PATJ: variants seen among roughly 807,000 people sequenced by gnomAD.
The protein encoded by PATJ is PATJ crumbs cell polarity complex component, also known as inaD-like protein.
PATJ carries 190 observed loss-of-function variants against 224.9 expected under a neutral mutation model. The observed-to-expected ratio is 0.84, with a 90% CI of 0.75 to 0.95. PATJ has a LOEUF of 0.95. Ranked by LOEUF, PATJ falls within the 40% of genes least tolerant of loss-of-function variation. PATJ has a pLI of 0.00. For missense variants in PATJ, 2,121 were observed against 2,270.3 expected (o/e 0.93, Z 1.34); for synonymous variants, 769 against 820.3 (o/e 0.94, Z 1.07).
chr1:61,812,379 A>AGAATGTGAGTGACT (rs1654978090), intron 14 of PATJ, among the ~76,000 whole-genome samples: 1 of 111,742 alleles, frequency 8.9e-6, no homozygotes, highest in Non-Finnish European at 1.8e-5. Context: ...AGAGAGAGAG[A>AGAATGTGAGTGACT]GAGAGAGAGA....
chr1:61,817,233 C>G (rs1365842293), intron 14 of PATJ, among the ~76,000 whole-genome samples: 1 of 152,096 alleles, frequency 6.6e-6, no homozygotes, highest in African/African-American at 2.4e-5. Flanking sequence ...ATGGGCCAGG[C>G]AGGAAACATA....
chr1:62,070,092 C>T (rs1657127761), intron 31 of PATJ, among the ~76,000 whole-genome samples: 1 of 152,136 alleles, frequency 6.6e-6, no homozygotes, highest in Non-Finnish European at 1.5e-5. Flanking sequence ...AAGTCAGGTC[C>T]TTTGTCCCAC....
At chr1:61,869,948 C>T (rs931454910) in intron 20 of PATJ, among the ~76,000 whole-genome samples, 9 of 152,148 alleles carry the variant, frequency 5.9e-5, no homozygotes, top group Non-Finnish European at 1.0e-4. Flanking sequence ...GTGCAATCCC[C>T]GAAGCCCCAG....
At position 61,864,846 on chromosome 1, in the gene PATJ, G is replaced by A. The variant is rs374702312; in HGVS notation, c.2835+213G>A. Among the ~76,000 whole-genome samples, 9 of 152,204 alleles carry A rather than the reference G, an allele frequency of 5.9e-5. No individual in the cohort carries two copies. In the East Asian group the frequency reaches 1.4e-3, roughly 23 times the overall value. On this transcript the variant is annotated intron_variant, in intron 20 of 43. Transcript: ENST00000642238. ...TTCTCATGGGGGTCAATAAACTGCA[G>A]TTGCCTTGCTGTTGTTTTAGGGCTT... is the stretch of plus-strand genomic sequence containing the variant.
intron 30 of PATJ, among the ~76,000 whole-genome samples, chr1:62,044,984 G>A (rs1327202920): frequency 6.6e-6 from 1 of 152,162 alleles, no homozygotes; most frequent in African/African-American, 2.4e-5. Context: ...CTGGGAGGCC[G>A]AGGCTGGCGG....
intron 33 of PATJ, among the ~76,000 whole-genome samples, chr1:62,087,395 C>T (rs1227383891): frequency 2.6e-5 from 4 of 151,722 alleles, no homozygotes; most frequent in Non-Finnish European, 4.4e-5. Context: ...CGGGGCGGGC[C>T]GTAGGTAGTT....
chr1:61,765,396 T>C (rs1323158097), intron 3 of PATJ, among the ~76,000 whole-genome samples: 1 of 151,696 alleles, frequency 6.6e-6, no homozygotes, highest in African/African-American at 2.4e-5. Context: ...TTCTGTTTTT[T>C]TTTTTGGAGA....
At chr1:61,856,439 G>A (rs1355512833) in intron 18 of PATJ, among the ~76,000 whole-genome samples, 200 bp downstream of exon 18, 4 of 152,110 alleles carry the variant, frequency 2.6e-5, no homozygotes, top group Non-Finnish European at 5.9e-5. Context: ...GGGATTTAAA[G>A]GTTATATTCA....
intron 17 of PATJ, among the ~76,000 whole-genome samples, chr1:61,846,497 T>C (rs1661978765): frequency 6.6e-6 from 1 of 152,246 alleles, no homozygotes; most frequent in Non-Finnish European, 1.5e-5. Context: ...ATATTCTACA[T>C]TTATAAAAAT....
intron 25 of PATJ, among the ~76,000 whole-genome samples, chr1:61,913,959 T>G (rs1673058032): frequency 6.6e-6 from 1 of 152,250 alleles, no homozygotes; most frequent in Non-Finnish European, 1.5e-5. Context: ...GTCTTTTTCG[T>G]CTTCAGCTTC....
chr1:61,809,084 T>C (rs1654163971), intron 14 of PATJ, among the ~76,000 whole-genome samples: 1 of 152,216 alleles, frequency 6.6e-6, no homozygotes, highest in South Asian at 2.1e-4. Flanking sequence ...TAGTTGTTCT[T>C]GAACTTAAAA....
Position 61,797,412 on chromosome 1 carries a change from ACCACC to A in PATJ, c.1387_1391del (p.Pro463PhefsTer24). 1 of 1,613,484 alleles carries A rather than the reference ACCACC, an allele frequency of 6.2e-7. No homozygotes were observed. The highest frequency in any genetic ancestry group is 1.1e-5 in the South Asian group (1 of 91,042). On this transcript the variant is annotated frameshift_variant, in exon 11 of 44. Transcript: ENST00000642238. LOFTEE classifies it high-confidence loss of function. ...CATCCTCATCTACTTCTCCACTTGA[ACCACC>A]TTCAGACAGAGGTGATTAATTTGCC...
At chr1:61,777,985 T>TC (rs1269487790) in intron 7 of PATJ, among the ~76,000 whole-genome samples, 1 of 151,998 alleles carries the variant, frequency 6.6e-6, no homozygotes, top group African/African-American at 2.4e-5. Context: ...GCTCAAGTGA[T>TC]CCCCCCACCT....
At chr1:61,934,741 A>T (rs971509601) in intron 27 of PATJ, among the ~76,000 whole-genome samples, 2 of 152,032 alleles carry the variant, frequency 1.3e-5, no homozygotes, top group African/African-American at 2.4e-5. Flanking sequence ...GAGGCTAATG[A>T]CCCTCTCTGT....
rs1251376143 is a variant in PATJ, at chr1:62,117,160, T to C, written c.4832T>C (p.Ile1611Thr). The C allele has an allele frequency of 3.1e-6, 5 of 1,613,988 alleles. No homozygotes were observed. The African/African-American group carries it at 5.3e-5, about 17-fold the overall frequency. Residue 1611 changes from isoleucine (I) to threonine (T), a missense_variant, in exon 37 of 44, where the codon ATT (isoleucine) becomes ACT (threonine). Physicochemically the swap from Ile to Thr is moderately conservative, Grantham distance 89 (BLOSUM62 -1). Coordinates refer to ENST00000642238, the MANE Select transcript of PATJ (RefSeq NM_001350145.3). The stretch of plus-strand genomic sequence containing the variant: ...GCACAGGGACTTGTGCAGCTAGAGA[T>C]TGGAAGACTCCGAGCTGGTTCCTGG... Reference protein sequence around the residue: ...KCAQGLVQLEIGRLRAGSWTS... With the variant: ...KCAQGLVQLETGRLRAGSWTS...
chr1:62,153,743 G>C (rs1668862779), intron 43 of PATJ, among the ~76,000 whole-genome samples: 1 of 152,120 alleles, frequency 6.6e-6, no homozygotes, highest in Admixed American at 6.6e-5. Context: ...TCTTCTTTCA[G>C]CAACACAGCA....
intron 27 of PATJ, among the ~76,000 whole-genome samples, chr1:61,972,583 A>C (rs544184936): frequency 6.6e-6 from 1 of 152,092 alleles, no homozygotes; most frequent in Non-Finnish European, 1.5e-5. Flanking sequence ...AAGTAAGGTT[A>C]TGTAATTAAA....
At chr1:61,773,230 G>A (rs1024474239) in intron 6 of PATJ, among the ~76,000 whole-genome samples, 1 of 151,990 alleles carries the variant, frequency 6.6e-6, no homozygotes, top group African/African-American at 2.4e-5. Flanking sequence ...CACCATGTTG[G>A]CCAGGCTGGT....
rs1470984443 is a variant in PATJ, at chr1:61,810,502, G to T, written c.1683+1972G>T. 1.3e-5 allele frequency among the ~76,000 whole-genome samples: 2 copies of T among 151,890 alleles called. 1 individual carries two copies. The highest frequency in any genetic ancestry group is 2.9e-5 in the Non-Finnish European group (2 of 67,974). ...TCATGAGGTCCGAAGTTCGAGACCA[G>T]CCTGGCCAACATAGTGAAACCCTGT... is the stretch of plus-strand genomic sequence containing the variant. On this transcript the variant is annotated intron_variant, in intron 14 of 43. Coordinates refer to ENST00000642238, the MANE Select transcript of PATJ (RefSeq NM_001350145.3).
Sources: gnomAD v4.1 joint callset for allele counts (sites outside exome capture counted in the v4.1 genomes callset) on GRCh38, gnomAD v4.1.1 for gene constraint, MANE v1.5 for transcripts, NCBI Gene and HGNC (gene_info 2026-07-23, HGNC 2026-07-21) for gene names.